ANKS1B: variants seen among roughly 807,000 people sequenced by gnomAD.
ANKS1B encodes ankyrin repeat and sterile alpha motif domain-containing protein 1B.
Under a neutral mutation model 148.3 loss-of-function variants are expected in ANKS1B, and 36 were observed. The observed-to-expected ratio is 0.24, with a 90% CI of 0.19 to 0.32. The LOEUF is 0.32. Among genes scored for constraint, ANKS1B ranks in the 10% least tolerant of loss-of-function variants. The pLI, the probability that ANKS1B is intolerant of heterozygous loss-of-function variation, is 1.00. For synonymous variants in ANKS1B, 542 were observed against 560.8 expected (o/e 0.97, Z 0.47); for missense variants, 1,157 against 1,542.6 (o/e 0.75, Z 4.19).
chr12:99,983,347 A>AT (rs970481700), intron 1 of ANKS1B, among the ~76,000 whole-genome samples: 12 of 151,936 alleles, frequency 7.9e-5, no homozygotes, highest in African/African-American at 2.4e-4. Context: ...AGACCTTGAC[A>AT]TTTTTTTTAA....
chr12:98,899,564 G>T (rs1361784297), intron 17 of ANKS1B, among the ~76,000 whole-genome samples: 1 of 152,182 alleles, frequency 6.6e-6, no homozygotes, highest in African/African-American at 2.4e-5. Context: ...CCCTGAAGAA[G>T]AAATTCCACC....
At chr12:99,553,253 T>G (rs1329549195) in intron 9 of ANKS1B, among the ~76,000 whole-genome samples, 1 of 152,202 alleles carries the variant, frequency 6.6e-6, no homozygotes, top group Non-Finnish European at 1.5e-5. Context: ...ATTTAGAAGT[T>G]CTTTTAAGGA....
intron 8 of ANKS1B, among the ~76,000 whole-genome samples, chr12:99,661,831 A>G (rs180771039): frequency 1.3e-5 from 2 of 152,314 alleles, no homozygotes; most frequent in Admixed American, 6.5e-5. Flanking sequence ...GTGTGACCAC[A>G]TGGCTAAGTC....
At chr12:99,009,032 T>G (rs2099937778) in intron 17 of ANKS1B, among the ~76,000 whole-genome samples, 1 of 152,156 alleles carries the variant, frequency 6.6e-6, no homozygotes. Context: ...TCAATCATGG[T>G]CTACACTTGG....
intron 10 of ANKS1B, among the ~76,000 whole-genome samples, chr12:99,454,945 A>C (rs1474142671): frequency 1.3e-5 from 2 of 152,216 alleles, no homozygotes; most frequent in African/African-American, 4.8e-5. Context: ...AGCAATGAAG[A>C]AAGTAAAAAA....
At chr12:98,821,761 C>G (rs937592930) in intron 19 of ANKS1B, among the ~76,000 whole-genome samples, 1 of 152,238 alleles carries the variant, frequency 6.6e-6, no homozygotes, top group East Asian at 1.9e-4. Flanking sequence ...ACATCTGCCA[C>G]CATGCCCAGA....
At chr12:98,994,106 G>A (rs1324319654) in intron 17 of ANKS1B, among the ~76,000 whole-genome samples, 3 of 152,120 alleles carry the variant, frequency 2.0e-5, no homozygotes, top group Non-Finnish European at 2.9e-5. Flanking sequence ...GTACATATAT[G>A]TGGATTCCCA....
intron 9 of ANKS1B, among the ~76,000 whole-genome samples, chr12:99,641,309 C>G (rs1029307397): frequency 2.6e-5 from 4 of 152,158 alleles, no homozygotes; most frequent in Non-Finnish European, 4.4e-5. Flanking sequence ...GAAGCAGCAG[C>G]AGAGGGTGAG....
intron 8 of ANKS1B, among the ~76,000 whole-genome samples, chr12:99,744,991 CAAAAAAA>C (rs55904412): frequency 7.7e-5 from 4 of 52,080 alleles, no homozygotes; most frequent in African/African-American, 1.8e-4. Flanking sequence ...GACTCTGTCT[CAAAAAAA>C]AAAAAAAAAA....
intron 14 of ANKS1B, among the ~76,000 whole-genome samples, chr12:99,220,262 T>C (rs2084884047): frequency 1.3e-5 from 2 of 152,048 alleles, no homozygotes; most frequent in Non-Finnish European, 2.9e-5. Context: ...CCTCCCAAAG[T>C]GCTGGGATTA....
At chr12:99,191,070 T>C (rs2080622269) in intron 14 of ANKS1B, among the ~76,000 whole-genome samples, 1 of 150,870 alleles carries the variant, frequency 6.6e-6, no homozygotes, top group Admixed American at 6.6e-5. Context: ...AAATAAGACA[T>C]GTATGCAGCC....
chr12:99,300,739 T>A (rs2081482597), intron 12 of ANKS1B, among the ~76,000 whole-genome samples: 2 of 152,188 alleles, frequency 1.3e-5, no homozygotes, highest in Non-Finnish European at 2.9e-5. Flanking sequence ...CTTTCTATGG[T>A]TCAGCCTTGA....
chr12:99,885,823 T>A (rs1433114921), intron 1 of ANKS1B, among the ~76,000 whole-genome samples: 1 of 152,196 alleles, frequency 6.6e-6, no homozygotes, highest in African/African-American at 2.4e-5. Flanking sequence ...GCCCATAGCT[T>A]AGCTCCCACT....
chr12:99,296,216 G>A (rs1417366987), intron 12 of ANKS1B, among the ~76,000 whole-genome samples: 1 of 152,002 alleles, frequency 6.6e-6, no homozygotes, highest in Non-Finnish European at 1.5e-5. Flanking sequence ...GATACCACAT[G>A]GTCTTAAATA....
chr12:99,236,511 C>A (rs2087972619), intron 14 of ANKS1B, among the ~76,000 whole-genome samples: 1 of 152,072 alleles, frequency 6.6e-6, no homozygotes, highest in African/African-American at 2.4e-5. Flanking sequence ...GAGAACTCAC[C>A]CACTATCATG....
chr12:98,868,910 A>C (rs2099639136), intron 17 of ANKS1B, among the ~76,000 whole-genome samples: 1 of 152,240 alleles, frequency 6.6e-6, no homozygotes. Flanking sequence ...AGCTTGATGT[A>C]CTGTTCTCAT....
At chr12:99,382,130 A>T (rs2093663635) in intron 12 of ANKS1B, among the ~76,000 whole-genome samples, 1 of 152,224 alleles carries the variant, frequency 6.6e-6, no homozygotes, top group African/African-American at 2.4e-5. Context: ...AGAGAAACTT[A>T]TCTTATTGTT....
At chr12:99,432,355 C>T (rs1305189307) in intron 11 of ANKS1B, among the ~76,000 whole-genome samples, 1 of 152,148 alleles carries the variant, frequency 6.6e-6, no homozygotes, top group Admixed American at 6.5e-5. Context: ...GTCTTCACTG[C>T]CCTTTCCCCA....
intron 8 of ANKS1B, among the ~76,000 whole-genome samples, chr12:99,677,157 T>C (rs2098579538): frequency 6.6e-6 from 1 of 152,356 alleles, no homozygotes; most frequent in African/African-American, 2.4e-5. Context: ...TTCTTCTAAG[T>C]ACACTTTTGC....
Sources: allele counts gnomAD v4.1 joint callset (sites outside exome capture counted in the v4.1 genomes callset), GRCh38; gene constraint gnomAD v4.1.1; transcripts MANE v1.5; gene names NCBI Gene and HGNC (gene_info 2026-07-23, HGNC 2026-07-21).